Variants in PRICKLE2 observed in about 807,000 individuals in gnomAD.
PRICKLE2 encodes prickle-like protein 2.
A neutral mutation model predicts 81.4 loss-of-function variants in PRICKLE2; 21 were observed. That is an observed-to-expected ratio of 0.26 (90% CI 0.18 to 0.37). PRICKLE2 has a LOEUF of 0.37. Among genes scored for constraint, PRICKLE2 ranks in the 10% least tolerant of loss-of-function variants. PRICKLE2 has a pLI of 1.00. For missense variants in PRICKLE2, 940 were observed against 1,109.0 expected, an observed-to-expected ratio of 0.85 and a Z score of 2.16; for synonymous variants, 456 against 421.5, an observed-to-expected ratio of 1.08 and a Z score of -1.00.
At chr3:64,122,276 C>T (rs1214398108) in intron 7 of PRICKLE2, among the ~76,000 whole-genome samples, 3 of 152,124 alleles carry the variant, frequency 2.0e-5, no homozygotes, top group Non-Finnish European at 4.4e-5. Flanking sequence ...TCAAAACCTG[C>T]TAACAGGTCT....
intron 2 of PRICKLE2, chr3:64,163,597 T>C: frequency 5.4e-6 from 1 of 186,134 alleles, no homozygotes; most frequent in Non-Finnish European, 1.1e-5. Context: ...AGCCTCCACC[T>C]ACATTTAAAG....
Position 64,099,558 on chromosome 3 carries a change from G to C in PRICKLE2, c.2028C>G (p.Arg676=). The C allele has an allele frequency of 6.2e-7, 1 of 1,611,082 alleles. No individual in the cohort carries two copies. ...SERTRRRATS[R]DDNRRFRPHR... ...GAGGTCGGAAACGGCGGTTGTCGTC[G>C]CGTGAAGTAGCTCTTCTCCGGGTGC... Residue 676 remains arginine, a synonymous_variant, in exon 8 of 8, where the codon CGC becomes CGG. Coordinates refer to ENST00000638394, the MANE Select transcript of PRICKLE2 (RefSeq NM_198859.4). This position sits in a 1 kb window ranked among gnomAD's most constrained non-coding sequence, Gnocchi z 4.3.
intron 7 of PRICKLE2, chr3:64,146,521 A>G (rs1427254251): frequency 2.1e-5 from 7 of 327,712 alleles, no homozygotes; most frequent in Non-Finnish European, 5.9e-6. Flanking sequence ...AGGCAGGTGG[A>G]TCACGAGGTC....
intron 7 of PRICKLE2, among the ~76,000 whole-genome samples, chr3:64,135,945 T>G (rs113918653): frequency 2.0e-5 from 3 of 152,306 alleles, no homozygotes; most frequent in Middle Eastern, 3.4e-3. Flanking sequence ...ATTTCAAGAT[T>G]AGAGTGTTTT....
At chr3:64,199,469 T>C (rs2078528582) in intron 1 of PRICKLE2, 1 of 159,038 alleles carries the variant, frequency 6.3e-6, no homozygotes, top group African/African-American at 2.4e-5. Flanking sequence ...AGGTAAAATG[T>C]TCTTTAAGAA....
chr3:64,173,293 A>G (rs969531113), intron 2 of PRICKLE2, among the ~76,000 whole-genome samples: 2 of 152,184 alleles, frequency 1.3e-5, no homozygotes, highest in African/African-American at 4.8e-5. Flanking sequence ...TCAAGCTACC[A>G]ATGTGATGTC....
chr3:64,207,651 A>C (rs114859055), intron 1 of PRICKLE2, among the ~76,000 whole-genome samples: 1 of 152,148 alleles, frequency 6.6e-6, no homozygotes, highest in South Asian at 2.1e-4. Context: ...ATGTAATGTA[A>C]AAGATACCTC....
intron 2 of PRICKLE2, among the ~76,000 whole-genome samples, chr3:64,235,360 G>T (rs2079164499): frequency 6.6e-6 from 1 of 152,130 alleles, no homozygotes; most frequent in African/African-American, 2.4e-5. Flanking sequence ...GTCTTTGCCT[G>T]CTAGCTCCAA....
rs555645254 is a variant in PRICKLE2 at position 64,238,503 on chromosome 3, A to AAAAAG, written c.129-39541_129-39537dup. ...TCCGTCTCAAAAAAAAAAAAAAAGAAAAAAGAAAAGAAAAGAAAAGAAAAA... is the reference window on the plus strand; with the variant it reads ...TCCGTCTCAAAAAAAAAAAAAAAGAAAAAAGAAAAGAAAAGAAAAGAAAAGAAAAA... On this transcript the variant is annotated intron_variant, in intron 2 of 8. Transcript: ENST00000295902. Among the ~76,000 whole-genome samples the AAAAAG allele has an allele frequency of 6.7e-3, 1,023 of 151,880 alleles. 13 individuals carry two copies. Among genetic ancestry groups the AAAAAG allele is most frequent in the African/African-American group, 0.023 (941 of 41,372 alleles).
At chr3:64,258,823 C>CAAA (rs1156901811) in intron 2 of PRICKLE2, among the ~76,000 whole-genome samples, 1 of 70,390 alleles carries the variant, frequency 1.4e-5, no homozygotes, top group Non-Finnish European at 2.5e-5. Context: ...GACTCTGTCT[C>CAAA]AAAAAAAAAA....
At chr3:64,177,125 CTTTTTTTT>C (rs10690677) in intron 2 of PRICKLE2, among the ~76,000 whole-genome samples, 5 of 70,854 alleles carry the variant, frequency 7.1e-5, no homozygotes, top group East Asian at 5.0e-4. Context: ...CCATTTTAAC[CTTTTTTTT>C]TTTTTTTTTT....
intron 7 of PRICKLE2, among the ~76,000 whole-genome samples, chr3:64,136,228 G>A (rs2077276949): frequency 6.6e-6 from 1 of 151,938 alleles, no homozygotes; most frequent in African/African-American, 2.4e-5. Flanking sequence ...TAAGAGAAGA[G>A]GCAGTGTAGA....
chr3:64,217,216 T>A (rs1042675771), intron 1 of PRICKLE2, among the ~76,000 whole-genome samples: 11 of 152,006 alleles, frequency 7.2e-5, no homozygotes, highest in Admixed American at 3.9e-4. Context: ...CCTACATCAC[T>A]GGTACTGAAA....
In PRICKLE2 at chr3:64,157,389, G is replaced by A. The variant is rs1350078936; in HGVS notation, c.397-24C>T. 7 of 1,608,336 alleles carry A rather than the reference G, an allele frequency of 4.4e-6. No homozygotes were observed. The South Asian group carries it at 7.7e-5, about 18-fold the overall frequency. On this transcript the variant is annotated intron_variant, in intron 4 of 7. Coordinates refer to ENST00000638394, the MANE Select transcript of PRICKLE2 (RefSeq NM_198859.4). The stretch of plus-strand genomic sequence containing the variant: ...CACTGTGAGGCAAACAGAAACATCA[G>A]TAGTCACACTAGCCCCCATCTCCCA...
chr3:64,238,729 CTTT>C (rs2079218937), intron 2 of PRICKLE2, among the ~76,000 whole-genome samples: 1 of 152,138 alleles, frequency 6.6e-6, no homozygotes, highest in Admixed American at 6.5e-5. Context: ...CACTTTCCTT[CTTT>C]GAGTCTCATC....
chr3:64,266,498 C>T (rs1190389704), intron 2 of PRICKLE2, among the ~76,000 whole-genome samples: 1 of 152,182 alleles, frequency 6.6e-6, no homozygotes, highest in South Asian at 2.1e-4. Context: ...CCCTAACCCC[C>T]ACTTTTTGGC....
At chr3:64,162,149 G>A (rs1273935475) in intron 3 of PRICKLE2, among the ~76,000 whole-genome samples, 1 of 152,096 alleles carries the variant, frequency 6.6e-6, no homozygotes, top group African/African-American at 2.4e-5. Context: ...TTCAGCTCGT[G>A]GGTTGGAGAG....
chr3:64,191,760 G>A (rs1424630470), intron 2 of PRICKLE2, among the ~76,000 whole-genome samples: 4 of 152,222 alleles, frequency 2.6e-5, no homozygotes, highest in African/African-American at 9.6e-5. Flanking sequence ...TGGTCAGAAA[G>A]TAGTGGAGTA....
chr3:64,243,430 A>G (rs1489087192), intron 2 of PRICKLE2, among the ~76,000 whole-genome samples: 1 of 152,188 alleles, frequency 6.6e-6, no homozygotes, highest in Non-Finnish European at 1.5e-5. Flanking sequence ...GACGGACAAA[A>G]TTGCCCCCCT....
Sources: allele counts gnomAD v4.1 joint callset (sites outside exome capture counted in the v4.1 genomes callset), GRCh38; gene constraint gnomAD v4.1.1; non-coding constraint Gnocchi (gnomAD v3.1); transcripts MANE v1.5; gene names NCBI Gene and HGNC (gene_info 2026-07-23, HGNC 2026-07-21).